Variants in NRG1 observed in about 807,000 individuals in gnomAD.
NRG1 encodes the protein neuregulin 1.
Under a neutral mutation model 63.8 loss-of-function variants are expected in NRG1, and 18 were observed. That is an observed-to-expected ratio of 0.28 (90% confidence interval 0.19 to 0.42). The LOEUF (loss-of-function observed/expected upper bound fraction) is 0.42. Among genes scored for constraint, NRG1 ranks in the 10% least tolerant of loss-of-function variants. The pLI is 1.00. For synonymous variants in NRG1, 302 were observed against 301.3 expected (o/e 1.00, Z -0.02); for missense variants, 762 against 814.7 (o/e 0.94, Z 0.79).
At chr8:32,147,257 G>A (rs896433605) in intron 1 of NRG1, among the ~76,000 whole-genome samples, 9 of 152,152 alleles carry the variant, frequency 5.9e-5, no homozygotes, top group African/African-American at 1.9e-4. Flanking sequence ...TTCCTGGAAT[G>A]TACGCTAAGT....
At chr8:32,647,239 C>CGCTGCT (rs934317870) in intron 5 of NRG1, 6 of 983,402 alleles carry the variant, frequency 6.1e-6, no homozygotes, top group African/African-American at 1.7e-5. Flanking sequence ...CTCCTGCCGC[C>CGCTGCT]GCTGCTGCTG....
intron 1 of NRG1, among the ~76,000 whole-genome samples, chr8:31,916,603 A>G (rs1441054684): frequency 2.0e-5 from 3 of 152,162 alleles, no homozygotes; most frequent in African/African-American, 4.8e-5. Flanking sequence ...CCAGTCTATC[A>G]TTGTTGGACA....
intron 1 of NRG1, among the ~76,000 whole-genome samples, chr8:31,647,069 G>A (rs1353953485): frequency 6.6e-6 from 1 of 152,188 alleles, no homozygotes; most frequent in Non-Finnish European, 1.5e-5. Context: ...CCTTACCACT[G>A]TTTTCAGCAG....
At chr8:31,743,493 A>T (rs969522979) in intron 1 of NRG1, among the ~76,000 whole-genome samples, 4 of 152,000 alleles carry the variant, frequency 2.6e-5, no homozygotes, top group Non-Finnish European at 4.4e-5. Context: ...AATTATGTGC[A>T]CACTAAGACT....
chr8:31,997,666 T>C (rs1286203838), intron 1 of NRG1, among the ~76,000 whole-genome samples: 1 of 151,856 alleles, frequency 6.6e-6, no homozygotes, highest in Non-Finnish European at 1.5e-5. Flanking sequence ...CACTCCAGAG[T>C]CCTTCCCACA....
chr8:32,025,670 A>G (rs1817145388), intron 1 of NRG1, among the ~76,000 whole-genome samples: 1 of 151,910 alleles, frequency 6.6e-6, no homozygotes, highest in Non-Finnish European at 1.5e-5. Flanking sequence ...ATAAAAGTGG[A>G]GGCACAGTGG....
At chr8:31,767,383 A>G (rs2131551083) in intron 1 of NRG1, among the ~76,000 whole-genome samples, 1 of 152,336 alleles carries the variant, frequency 6.6e-6, no homozygotes, top group Middle Eastern at 3.4e-3. Context: ...TTAACAATGG[A>G]AAAATTATAT....
chr8:32,749,444 T>C, intron 7 of NRG1: 1 of 1,027,810 alleles, frequency 9.7e-7, no homozygotes, highest in East Asian at 2.4e-5. Flanking sequence ...TGGTTCAATG[T>C]GCATGCACAG....
chr8:32,506,709 G>C (rs1415248364), intron 1 of NRG1, among the ~76,000 whole-genome samples: 4 of 151,948 alleles, frequency 2.6e-5, no homozygotes, highest in Non-Finnish European at 5.9e-5. Flanking sequence ...AGAAATCTTG[G>C]GGGGTATGTG....
chr8:31,889,843 G>C (rs936094123), intron 1 of NRG1, among the ~76,000 whole-genome samples: 6 of 152,104 alleles, frequency 3.9e-5, no homozygotes, highest in African/African-American at 7.2e-5. Flanking sequence ...CATGTTCCAT[G>C]CAAGAGCTAA....
chr8:32,725,306 T>A (rs1217923297), intron 5 of NRG1, among the ~76,000 whole-genome samples: 1 of 152,054 alleles, frequency 6.6e-6, no homozygotes, highest in African/African-American at 2.4e-5. Flanking sequence ...AGAGTTCCTC[T>A]GCAGGACTGC....
chr8:31,916,220 T>A (rs1250123327), intron 1 of NRG1, among the ~76,000 whole-genome samples: 3 of 152,144 alleles, frequency 2.0e-5, no homozygotes, highest in East Asian at 1.9e-4. Flanking sequence ...TCTTTTTTTT[T>A]ATTATTATAC....
chr8:32,227,240 A>G (rs1356809908), intron 1 of NRG1, among the ~76,000 whole-genome samples: 2 of 152,218 alleles, frequency 1.3e-5, no homozygotes, highest in Non-Finnish European at 1.5e-5. Flanking sequence ...GTTCCAAGCT[A>G]TGCAGAAGTG....
intron 1 of NRG1, chr8:31,639,680 G>A (rs1585332283): frequency 1.4e-6 from 2 of 1,402,462 alleles, no homozygotes; most frequent in East Asian, 2.8e-5. Flanking sequence ...GGCGGCGCGG[G>A]GGGTGGGGGG....
chr8:32,487,936 G>A (rs1363644436), intron 1 of NRG1, among the ~76,000 whole-genome samples: 2 of 152,184 alleles, frequency 1.3e-5, no homozygotes, highest in Non-Finnish European at 2.9e-5. Context: ...AAGGGACGAG[G>A]TTGTGCAACA....
intron 1 of NRG1, among the ~76,000 whole-genome samples, chr8:32,247,392 C>G (rs1251445525): frequency 6.6e-6 from 1 of 152,084 alleles, no homozygotes; most frequent in Non-Finnish European, 1.5e-5. Context: ...TTAAGCATCT[C>G]TTCTGAGTTG....
At chr8:31,797,528 C>T (rs752987225) in intron 1 of NRG1, among the ~76,000 whole-genome samples, 2 of 152,272 alleles carry the variant, frequency 1.3e-5, no homozygotes, top group Admixed American at 6.5e-5. Context: ...TAAATTAGTG[C>T]AGCCATTATG....
intron 1 of NRG1, among the ~76,000 whole-genome samples, chr8:32,257,742 G>C (rs943263275): frequency 6.6e-6 from 1 of 152,108 alleles, no homozygotes; most frequent in East Asian, 1.9e-4. Flanking sequence ...GGGGCAGGGC[G>C]ACCCACTTCC....
At chr8:32,433,901 C>A (rs530464417) in intron 1 of NRG1, among the ~76,000 whole-genome samples, 1 of 152,102 alleles carries the variant, frequency 6.6e-6, no homozygotes, top group East Asian at 1.9e-4. Flanking sequence ...TCAGAATATA[C>A]CTCACAGTAA....
Sources: allele counts gnomAD v4.1 joint callset (sites outside exome capture counted in the v4.1 genomes callset), GRCh38; gene constraint gnomAD v4.1.1; transcripts MANE v1.5; gene names NCBI Gene and HGNC (gene_info 2026-07-23, HGNC 2026-07-21).